CLYBL: variants seen among roughly 807,000 people sequenced by gnomAD.
The protein encoded by CLYBL is citramalyl-CoA lyase.
Under a neutral mutation model 38.9 loss-of-function variants are expected in CLYBL, and 31 were observed. The ratio of observed to expected loss-of-function variants is 0.80; its 90% CI spans 0.60 to 1.08. The LOEUF (loss-of-function observed/expected upper bound fraction) is 1.08. Among genes scored for constraint, CLYBL ranks in the 50% least tolerant of loss-of-function variants. The pLI is 0.00. For synonymous variants in CLYBL, 171 were observed against 158.6 expected, an observed-to-expected ratio of 1.08 and a Z score of -0.59; for missense variants, 434 against 411.6, an observed-to-expected ratio of 1.05 and a Z score of -0.47.
At chr13:99,706,730 C>T (rs1275152946) in intron 1 of CLYBL, among the ~76,000 whole-genome samples, 3 of 152,212 alleles carry the variant, frequency 2.0e-5, no homozygotes, top group Admixed American at 6.5e-5. Context: ...TCTGCTTCTT[C>T]AGCCGAGCTC....
At chr13:99,878,390 C>A (rs750828093) in intron 7 of CLYBL, among the ~76,000 whole-genome samples, 5 of 152,144 alleles carry the variant, frequency 3.3e-5, no homozygotes, top group Non-Finnish European at 7.4e-5. Context: ...AAATGGCATT[C>A]ATTGTTTGCT....
chr13:99,753,085 A>G (rs761272993), intron 1 of CLYBL, among the ~76,000 whole-genome samples: 1 of 152,022 alleles, frequency 6.6e-6, no homozygotes, highest in African/African-American at 2.4e-5. Flanking sequence ...ACATGCTGAG[A>G]TCCAGAAGAG....
chr13:99,696,164 T>G (rs1010002021), intron 1 of CLYBL, among the ~76,000 whole-genome samples: 2 of 152,110 alleles, frequency 1.3e-5, no homozygotes, highest in Admixed American at 1.3e-4. Flanking sequence ...CTCTATAATT[T>G]TTTGCTAATA....
chr13:99,730,811 G>A (rs889017501), intron 1 of CLYBL, among the ~76,000 whole-genome samples: 5 of 152,142 alleles, frequency 3.3e-5, no homozygotes, highest in African/African-American at 1.2e-4. Context: ...GGCCAGGCAC[G>A]GTGGCTCACG....
intron 2 of CLYBL, among the ~76,000 whole-genome samples, chr13:99,780,462 G>A (rs2049618780): frequency 6.6e-6 from 1 of 151,810 alleles, no homozygotes; most frequent in Admixed American, 6.6e-5. Flanking sequence ...CTCACTGCAA[G>A]CTCTGCCTCC....
At chr13:99,672,714 G>A (rs1440241452) in intron 1 of CLYBL, among the ~76,000 whole-genome samples, 1 of 151,938 alleles carries the variant, frequency 6.6e-6, no homozygotes, top group African/African-American at 2.4e-5. Flanking sequence ...AGGCTGTAGT[G>A]AGCTGTGATT....
At chr13:99,628,718 AG>A (rs2139225929) in intron 1 of CLYBL, among the ~76,000 whole-genome samples, 1 of 152,346 alleles carries the variant, frequency 6.6e-6, no homozygotes, top group East Asian at 1.9e-4. Flanking sequence ...TGTGTAATAG[AG>A]TTTAAAGTCT....
At chr13:99,644,173 A>G (rs2047139705) in intron 1 of CLYBL, among the ~76,000 whole-genome samples, 1 of 146,944 alleles carries the variant, frequency 6.8e-6, no homozygotes, top group East Asian at 2.0e-4. Context: ...TGGTGTATGT[A>G]TGTACATGTG....
intron 4 of CLYBL, 75 bp from the exon 5 acceptor site, chr13:99,864,743 A>T: frequency 1.0e-6 from 1 of 970,122 alleles, no homozygotes; most frequent in Non-Finnish European, 1.6e-6. Context: ...TCGTCCTGTT[A>T]CTGAAATGCA....
intron 1 of CLYBL, among the ~76,000 whole-genome samples, chr13:99,666,516 C>T (rs1035436057): frequency 3.9e-5 from 6 of 152,140 alleles, no homozygotes; most frequent in African/African-American, 1.4e-4. Context: ...GTTTTTTCCC[C>T]CCTTTCTTAA....
downstream of CLYBL, among the ~76,000 whole-genome samples, chr13:99,901,091 G>C (rs2052636761): frequency 6.6e-6 from 1 of 152,180 alleles, no homozygotes; most frequent in African/African-American, 2.4e-5. Flanking sequence ...GAAGGCCCGG[G>C]GCAGGCATGA....
At chr13:99,892,267 A>G (rs1253105416) in intron 8 of CLYBL, 176 bp from the exon 9 acceptor site, 1 of 152,222 alleles carries the variant, frequency 6.6e-6, no homozygotes, top group Non-Finnish European at 1.5e-5. Flanking sequence ...GAGCTGGTGC[A>G]TGTGGCCCCT....
At chr13:99,886,653 C>T (rs57765210) in intron 7 of CLYBL, among the ~76,000 whole-genome samples, 3,547 of 152,352 alleles carry the variant, frequency 0.023, 126 homozygotes, top group African/African-American at 0.078. Flanking sequence ...CACGGCAACG[C>T]GTGGAGATGC....
chr13:99,702,546 C>G (rs1370815825), intron 1 of CLYBL, among the ~76,000 whole-genome samples: 2 of 150,850 alleles, frequency 1.3e-5, no homozygotes, highest in African/African-American at 4.9e-5. Flanking sequence ...GCAGGAGAGT[C>G]GCTTGAACCT....
chr13:99,621,571 T>C (rs1407949769), intron 1 of CLYBL, among the ~76,000 whole-genome samples: 3 of 152,200 alleles, frequency 2.0e-5, no homozygotes, highest in African/African-American at 4.8e-5. Flanking sequence ...GATTTTCCCC[T>C]TCAGGTGCCA....
At chr13:99,801,948 G>A (rs367665641) in intron 2 of CLYBL, among the ~76,000 whole-genome samples, 3 of 152,132 alleles carry the variant, frequency 2.0e-5, no homozygotes, top group Non-Finnish European at 4.4e-5. Flanking sequence ...CCTGATAGGC[G>A]GAGGTTGCAG....
At chr13:99,853,634 G>A (rs1370899776) in intron 2 of CLYBL, among the ~76,000 whole-genome samples, 2 of 151,990 alleles carry the variant, frequency 1.3e-5, no homozygotes, top group African/African-American at 2.4e-5. Flanking sequence ...AATAATCTGA[G>A]AATTCATTTG....
At chr13:99,816,955 G>T (rs2050461672) in intron 2 of CLYBL, among the ~76,000 whole-genome samples, 1 of 152,156 alleles carries the variant, frequency 6.6e-6, no homozygotes. Context: ...TTTACTTCCT[G>T]CTACCCATCA....
At chr13:99,696,225 G>A (rs1434313831) in intron 1 of CLYBL, among the ~76,000 whole-genome samples, 1 of 151,534 alleles carries the variant, frequency 6.6e-6, no homozygotes, top group Non-Finnish European at 1.5e-5. Flanking sequence ...CCAAAACCAT[G>A]TCAGAGACTT....
Sources: allele counts gnomAD v4.1 joint callset (sites outside exome capture counted in the v4.1 genomes callset), GRCh38; gene constraint gnomAD v4.1.1; transcripts MANE v1.5; gene names NCBI Gene and HGNC (gene_info 2026-07-23, HGNC 2026-07-21).